TESMIN: variants seen among roughly 807,000 people sequenced by gnomAD.
The protein encoded by TESMIN is CXC domain containing 2.
A neutral mutation model predicts 47.4 loss-of-function variants in TESMIN; 34 were observed. The ratio of observed to expected loss-of-function variants is 0.72; its 90% CI spans 0.55 to 0.96. The LOEUF (loss-of-function observed/expected upper bound fraction) is 0.96. Among genes scored for constraint, TESMIN ranks in the 40% least tolerant of loss-of-function variants. The pLI is 0.00. For synonymous variants in TESMIN, 278 were observed against 258.9 expected, an observed-to-expected ratio of 1.07 and a Z score of -0.71; for missense variants, 610 against 637.2, an observed-to-expected ratio of 0.96 and a Z score of 0.46.
At chr11:68,733,539 G>T (rs1293663348) in intron 6 of TESMIN, 1 of 152,218 alleles carries the variant, frequency 6.6e-6, no homozygotes, top group African/African-American at 2.4e-5. Flanking sequence ...TTGCTGAGAA[G>T]TAACTGTAAC....
intron 3 of TESMIN, among the ~76,000 whole-genome samples, chr11:68,746,612 T>C (rs988061949): frequency 6.6e-6 from 1 of 152,172 alleles, no homozygotes; most frequent in Non-Finnish European, 1.5e-5. Context: ...CCATTCCTAG[T>C]CCTTGCCACG....
chr11:68,738,940 A>G lies in TESMIN; in HGVS notation c.829-152T>C, dbSNP rs557568152. 5.9e-5 allele frequency: 38 copies of G among 642,894 alleles called. 1 individual carries two copies. The South Asian group carries it at 7.1e-4, about 12-fold the overall frequency. The allele number at this position is 642,894 out of a possible 1,614,324, so 39.8% of individuals were successfully genotyped here. On this transcript the variant is annotated intron_variant, in intron 5 of 9. Transcript: ENST00000255087. ...CATGTCTGGCCTTATTACCACAAGGAATCCACTGACATTCGGAAGGTCTAG... is the reference window on the plus strand; with the variant it reads ...CATGTCTGGCCTTATTACCACAAGGGATCCACTGACATTCGGAAGGTCTAG...
chr11:68,731,537 G>A (rs1199510805), intron 6 of TESMIN, among the ~76,000 whole-genome samples: 1 of 152,200 alleles, frequency 6.6e-6, no homozygotes, highest in Non-Finnish European at 1.5e-5. Context: ...AGACTCCCAT[G>A]AGAGTAGGAC....
At position 68,750,266 on chromosome 11, in the gene TESMIN, T is replaced by G; in HGVS notation, c.395A>C (p.His132Pro). 6.5e-7 allele frequency: 1 copy of G among 1,545,722 alleles called. No individual in the cohort carries two copies. The highest frequency in any genetic ancestry group is 8.7e-7 in the Non-Finnish European group (1 of 1,155,152). ...CAGGGGCAACACCGCCGGGCTGCGG[T>G]GCGCGGGTAGCAGCGAGGACAGGAA... ...VHFLSSLLPA[H>P]RSPAVLPLGA... Residue 132 changes from histidine to proline, a missense_variant, in exon 2 of 10, where the codon CAC becomes CCC. By Grantham distance (77) the His-to-Pro change is moderately conservative. Coordinates refer to ENST00000255087, the MANE Select transcript of TESMIN (RefSeq NM_004923.3).
At position 68,750,283 on chromosome 11, in the gene TESMIN, G is replaced by A. The variant is rs1326936721; in HGVS notation, c.378C>T (p.Ser126=). ...QPPACNVHFL[S]SLLPAHRSPA... is the part of the protein sequence containing the mutation. ...GGCTGCGGTGCGCGGGTAGCAGCGA[G>A]GACAGGAAGTGCACGTTGCAGGCGG... is the stretch of plus-strand genomic sequence containing the variant. Residue 126 remains serine, a synonymous_variant, in exon 2 of 10, where the codon TCC becomes TCT. Transcript: ENST00000255087. The A allele has an allele frequency of 6.4e-7, 1 of 1,552,152 alleles. No homozygotes were observed. The highest frequency in any genetic ancestry group is 8.6e-7 in the Non-Finnish European group (1 of 1,156,250).
intron 6 of TESMIN, chr11:68,736,540 A>C (rs1230829381): frequency 1.0e-6 from 1 of 985,322 alleles, no homozygotes; most frequent in African/African-American, 1.7e-5. Context: ...AGATTCCAGT[A>C]TATCATCAGT....
Position 68,738,841 on chromosome 11 carries a change from T to A in TESMIN, c.829-53A>T, listed in dbSNP as rs1220258945. On this transcript the variant is annotated intron_variant, in intron 5 of 9. Transcript: ENST00000255087. ...TTGAATTAGCAAGGATTTTTAAAGT[T>A]CCAGTCAGCCAGCCCCCTAGATAAA... is the stretch of plus-strand genomic sequence containing the variant. 50 of 1,480,434 alleles carry A rather than the reference T, an allele frequency of 3.4e-5. No individual in the cohort carries two copies. In the Middle Eastern group the frequency reaches 6.9e-4, roughly 20 times the overall value. The allele number at this position is 1,480,434 out of a possible 1,614,324, so 91.7% of individuals were successfully genotyped here.
At chr11:68,726,989 C>T (rs1946271829) in intron 6 of TESMIN, among the ~76,000 whole-genome samples, 1 of 151,050 alleles carries the variant, frequency 6.6e-6, no homozygotes, top group Non-Finnish European at 1.5e-5. Context: ...CCCAGGAGGT[C>T]AAGGCTGCAT....
intron 6 of TESMIN, among the ~76,000 whole-genome samples, chr11:68,729,161 T>A (rs1213420478): frequency 1.3e-5 from 2 of 152,262 alleles, no homozygotes; most frequent in Non-Finnish European, 2.9e-5. Flanking sequence ...TATTCCATTC[T>A]GTGTGCCATT....
chr11:68,738,694 C>T lies in TESMIN; in HGVS notation c.917+6G>A, dbSNP rs150230224. The stretch of plus-strand genomic sequence containing the variant: ...AGAGTGACAATGTATTGCTTCTAAT[C>T]CTTACCCAGCCAAAGTTATTTTTGG... On this transcript the variant is annotated splice_donor_region_variant and intron_variant, in intron 6 of 9. Transcript: ENST00000255087. The T allele has an allele frequency of 5.7e-3, 9,278 of 1,613,862 alleles. 44 individuals are homozygous for T. Among genetic ancestry groups the T allele is most frequent in the Non-Finnish European group, 7.1e-3 (8,397 of 1,179,852 alleles).
rs965018302 is a variant in TESMIN, at chr11:68,750,388, C to T, written c.273G>A (p.Gly91=). Residue 91 remains glycine (G), a synonymous_variant, in exon 2 of 10, where the codon GGG becomes GGA. Coordinates refer to ENST00000255087, the MANE Select transcript of TESMIN (RefSeq NM_004923.3). Reference sequence around the variant, plus strand: ...TCCCGGGGTACTCCCCGAGGAGCTCCCCGCCGTCGCTGTCGCCCCCCGCGA... The same window carrying T: ...TCCCGGGGTACTCCCCGAGGAGCTCTCCGCCGTCGCTGTCGCCCCCCGCGA... The part of the protein sequence containing the change: ...AKLAGGDSDG[G]ELLGEYPGIP... 2.6e-6 allele frequency: 4 copies of T among 1,513,148 alleles called. No homozygotes were observed. The highest frequency in any genetic ancestry group is 2.7e-6 in the Non-Finnish European group (3 of 1,126,676). 93.7% of individuals were successfully genotyped at this position (1,513,148 alleles called of 1,614,324 possible). A position where few individuals can be genotyped will look rare whatever the true frequency, so the allele number is the denominator to read the frequency against.
At chr11:68,742,190 T>C (rs2153992795) in intron 5 of TESMIN, 128 bp downstream of exon 5, 3 of 630,932 alleles carry the variant, frequency 4.8e-6, no homozygotes, top group Non-Finnish European at 8.1e-6. Context: ...GAACACTTGG[T>C]AAGTATTTCA....
At position 68,708,446 on chromosome 11, in the gene TESMIN, C is replaced by T. The variant is rs757490806; in HGVS notation, c.1389G>A (p.Leu463=). 3.1e-6 allele frequency: 5 copies of T among 1,613,928 alleles called. No homozygotes were observed. In the Admixed American group the frequency reaches 8.3e-5, roughly 27 times the overall value. The change falls in exon 10 of 10, where the codon CTG becomes CTA. Residue 463 remains leucine, a synonymous_variant. Coordinates refer to ENST00000255087, the MANE Select transcript of TESMIN (RefSeq NM_004923.3). ...TCTCGGCCTCTTCTCCCTGAGCAAG[C>T]AGGCAGGCGCATGTGGCCTCCACCA... ...WEVVEATCAC[L]LAQGEEAEKE...
intron 6 of TESMIN, among the ~76,000 whole-genome samples, chr11:68,727,324 C>T (rs1296404067): frequency 6.6e-6 from 1 of 152,120 alleles, no homozygotes; most frequent in African/African-American, 2.4e-5. Context: ...CCTGTAATCC[C>T]AGCTACTCAG....
intron 2 of TESMIN, 72 bp downstream of exon 2, chr11:68,750,118 A>G: frequency 8.1e-7 from 1 of 1,236,190 alleles, no homozygotes; most frequent in Non-Finnish European, 1.1e-6. Context: ...ATCCTGGGGT[A>G]CACTAGCAGC....
chr11:68,731,489 A>G (rs1946326895), intron 6 of TESMIN, among the ~76,000 whole-genome samples: 2 of 152,202 alleles, frequency 1.3e-5, no homozygotes, highest in African/African-American at 2.4e-5. Context: ...TATTGATGGC[A>G]ATTATAATAA....
chr11:68,711,145 A>AT (rs1285439563), intron 8 of TESMIN, 96 bp from the exon 9 acceptor site: 1 of 1,099,870 alleles, frequency 9.1e-7, no homozygotes, highest in Non-Finnish European at 1.3e-6. Context: ...CTTCGCGTAT[A>AT]TTTGCCCATG....
At chr11:68,721,912 T>C (rs1946207969) in intron 6 of TESMIN, among the ~76,000 whole-genome samples, 2 of 152,220 alleles carry the variant, frequency 1.3e-5, no homozygotes, top group East Asian at 3.8e-4. Flanking sequence ...ATGGCCACTA[T>C]GGAAAGATAC....
At chr11:68,709,921 G>A (rs1218011335) in intron 9 of TESMIN, among the ~76,000 whole-genome samples, 2 of 152,212 alleles carry the variant, frequency 1.3e-5, no homozygotes, top group African/African-American at 4.8e-5. Context: ...TGTAATCTCA[G>A]CAGTTTGGGA....
Sources: allele counts gnomAD v4.1 joint callset (sites outside exome capture counted in the v4.1 genomes callset), GRCh38; gene constraint gnomAD v4.1.1; transcripts MANE v1.5; gene names NCBI Gene and HGNC (gene_info 2026-07-23, HGNC 2026-07-21).